NBAS: variants seen among roughly 807,000 people sequenced by gnomAD.
The protein encoded by NBAS is NBAS subunit of NRZ tethering complex.
A neutral mutation model predicts 302.5 loss-of-function variants in NBAS; 219 were observed. The observed-to-expected ratio is 0.72, with a 90% confidence interval of 0.65 to 0.81. The LOEUF (loss-of-function observed/expected upper bound fraction) is 0.81. Among genes scored for constraint, NBAS ranks in the 30% least tolerant of loss-of-function variants. The probability of loss-of-function intolerance (pLI) is 0.00; values close to 1 mark genes in which losing one functional copy is unlikely to be tolerated. For synonymous variants in NBAS, 1,118 were observed against 1,021.6 expected (o/e 1.09, Z -1.80); for missense variants, 2,932 against 2,841.6 (o/e 1.03, Z -0.72).
intron 46 of NBAS, among the ~76,000 whole-genome samples, chr2:15,234,238 G>A (rs1416278362): frequency 2.0e-5 from 3 of 152,184 alleles, no homozygotes; most frequent in East Asian, 1.9e-4. Context: ...AGTCACAGGA[G>A]AGTCTGAAAC....
rs111827204 is a variant in NBAS at position 15,399,967 on chromosome 2, A to T, written c.3071+2201T>A. Among the ~76,000 whole-genome samples the T allele has an allele frequency of 7.1e-3, 1,082 of 152,324 alleles. 10 individuals carry two copies. The highest frequency in any genetic ancestry group is 0.022 in the African/African-American group (921 of 41,564). ...AACCTTCTACCAAGTAAAAGTGTGCAATTGTGGCATTTTCCTAATATGTGA... is the reference window on the plus strand; with the variant it reads ...AACCTTCTACCAAGTAAAAGTGTGCTATTGTGGCATTTTCCTAATATGTGA... On this transcript the variant is annotated intron_variant, in intron 26 of 51. Coordinates refer to ENST00000281513, the MANE Select transcript of NBAS (RefSeq NM_015909.4).
intron 31 of NBAS, 35 bp downstream of exon 31, chr2:15,374,573 G>C: frequency 6.5e-7 from 1 of 1,528,982 alleles, no homozygotes; most frequent in Non-Finnish European, 9.1e-7. Flanking sequence ...TGCAATATAA[G>C]TTAGTAACAA....
chr2:14,909,366 TAAAAAAAAAAAA>T, the NBAS span, among the ~76,000 whole-genome samples: 25 of 78,546 alleles, frequency 3.2e-4, no homozygotes, highest in Admixed American at 3.1e-4. Flanking sequence ...GGAGAGTTTC[TAAAAAAAAAAAA>T]AAAAAAAAAA....
At chr2:15,186,089 C>T (rs1042420248) in intron 50 of NBAS, among the ~76,000 whole-genome samples, 101 of 77,954 alleles carry the variant, frequency 1.3e-3, no homozygotes, top group Middle Eastern at 7.6e-3. Flanking sequence ...TATATATACA[C>T]ACACACACAC....
At chr2:14,968,321 G>C in the NBAS span, among the ~76,000 whole-genome samples, 1 of 152,038 alleles carries the variant, frequency 6.6e-6, no homozygotes, top group South Asian at 2.1e-4. Context: ...AAATAGTCAT[G>C]GTCTCCAAAG....
chr2:15,384,826 G>T (rs548876465), intron 28 of NBAS, among the ~76,000 whole-genome samples: 3 of 152,042 alleles, frequency 2.0e-5, no homozygotes, highest in Non-Finnish European at 4.4e-5. Context: ...CCAACTAGAC[G>T]ATGTTTCTTT....
At chr2:14,868,807 T>G in the NBAS span, among the ~76,000 whole-genome samples, 4 of 152,200 alleles carry the variant, frequency 2.6e-5, no homozygotes, top group Non-Finnish European at 5.9e-5. Flanking sequence ...TTGGTTCTGG[T>G]AAGACTACAA....
chr2:14,935,204 AT>A, the NBAS span, among the ~76,000 whole-genome samples: 1 of 151,900 alleles, frequency 6.6e-6, no homozygotes, highest in East Asian at 1.9e-4. Context: ...ATATTTCTCA[AT>A]TTGTTTCTCA....
chr2:15,385,742 A>G (rs765511107), intron 28 of NBAS, among the ~76,000 whole-genome samples: 4 of 152,194 alleles, frequency 2.6e-5, no homozygotes, highest in Admixed American at 6.5e-5. Context: ...AGGTCAAGCC[A>G]TGGAAATACG....
the NBAS span, among the ~76,000 whole-genome samples, chr2:14,843,582 A>ACACACACACACACACACACAC: frequency 6.6e-6 from 1 of 150,796 alleles, no homozygotes; most frequent in African/African-American, 2.5e-5. Context: ...ACACACACAC[A>ACACACACACACACACACACAC]AAAATACCTT....
At chr2:14,999,254 C>T in the NBAS span, among the ~76,000 whole-genome samples, 7 of 152,080 alleles carry the variant, frequency 4.6e-5, no homozygotes, top group African/African-American at 1.5e-4. Flanking sequence ...TTAATGTAAG[C>T]TAGCCAACTA....
intron 11 of NBAS, among the ~76,000 whole-genome samples, chr2:15,497,806 G>A (rs886823764): frequency 1.7e-4 from 26 of 152,194 alleles, no homozygotes; most frequent in African/African-American, 4.1e-4. Flanking sequence ...AAGCCACAGA[G>A]CACACATTTA....
intron 48 of NBAS, among the ~76,000 whole-genome samples, chr2:15,206,435 AAAC>A (rs925658694): frequency 5.9e-5 from 9 of 152,224 alleles, no homozygotes; most frequent in African/African-American, 2.2e-4. Flanking sequence ...AGAAAAAAAA[AAAC>A]ACTATCTGAG....
At chr2:15,291,686 T>C (rs1258559548) in intron 41 of NBAS, among the ~76,000 whole-genome samples, 2 of 152,132 alleles carry the variant, frequency 1.3e-5, no homozygotes, top group Non-Finnish European at 2.9e-5. Context: ...GGTTTCTGGT[T>C]CTCTAGAAGA....
intron 28 of NBAS, among the ~76,000 whole-genome samples, chr2:15,392,613 GAAATT>G (rs1468012854): frequency 1.3e-5 from 2 of 151,712 alleles, no homozygotes; most frequent in Non-Finnish European, 2.9e-5. Context: ...ATTATTTAAA[GAAATT>G]AAAGAAGAAC....
At chr2:15,036,653 A>C in the NBAS span, among the ~76,000 whole-genome samples, 1 of 152,210 alleles carries the variant, frequency 6.6e-6, no homozygotes, top group Non-Finnish European at 1.5e-5. Flanking sequence ...ATAAGTACAG[A>C]GAATCAGCAG....
At chr2:14,939,403 A>G in the NBAS span, among the ~76,000 whole-genome samples, 3 of 152,270 alleles carry the variant, frequency 2.0e-5, no homozygotes, top group African/African-American at 7.2e-5. Flanking sequence ...ATTGTTGCCT[A>G]CTTGCAAAAC....
the NBAS span, among the ~76,000 whole-genome samples, chr2:14,779,485 A>G: frequency 0.073 from 11,098 of 152,108 alleles, 474 homozygotes; most frequent in African/African-American, 0.12. Context: ...GCTCCTCACT[A>G]TGTTCCCTCC....
chr2:15,558,939 C>T (rs912662127), intron 1 of NBAS, among the ~76,000 whole-genome samples: 2 of 151,606 alleles, frequency 1.3e-5, no homozygotes, highest in Non-Finnish European at 2.9e-5. Flanking sequence ...CATGGCGGTG[C>T]ATGCCTATAG....
Sources: allele counts gnomAD v4.1 joint callset (sites outside exome capture counted in the v4.1 genomes callset), GRCh38; gene constraint gnomAD v4.1.1; transcripts MANE v1.5; gene names NCBI Gene and HGNC (gene_info 2026-07-23, HGNC 2026-07-21).